CNTN6: variants seen among roughly 807,000 people sequenced by gnomAD.
CNTN6 encodes the protein contactin 6, also known as contactin-6.
A neutral mutation model predicts 122.8 loss-of-function variants in CNTN6; 137 were observed. The observed-to-expected ratio is 1.12, with a 90% confidence interval of 0.97 to 1.29. The LOEUF is 1.29. Among genes scored for constraint, CNTN6 ranks in the 50% most tolerant of loss-of-function variants. The pLI, the probability that CNTN6 is intolerant of heterozygous loss-of-function variation, is 0.00. For synonymous variants in CNTN6, 570 were observed against 426.0 expected (o/e 1.34, Z -4.16); for missense variants, 1,634 against 1,223.4 (o/e 1.34, Z -5.01).
intron 5 of CNTN6, among the ~76,000 whole-genome samples, chr3:1,281,981 T>TACACAC (rs1371153437): frequency 1.6e-4 from 16 of 99,562 alleles, no homozygotes; most frequent in African/African-American, 7.1e-4. Context: ...TATATATAGG[T>TACACAC]ATACACACAC....
intron 8 of CNTN6, among the ~76,000 whole-genome samples, chr3:1,323,536 T>C (rs1288641035): frequency 6.6e-6 from 1 of 151,784 alleles, no homozygotes; most frequent in Non-Finnish European, 1.5e-5. Context: ...CTCAGTTACC[T>C]CAGAGTTGAA....
chr3:1,359,017 G>A (rs1707054737), intron 12 of CNTN6, among the ~76,000 whole-genome samples: 2 of 152,006 alleles, frequency 1.3e-5, no homozygotes, highest in African/African-American at 4.8e-5. Context: ...CTATGATCAT[G>A]CCACTGTACT....
intron 11 of CNTN6, among the ~76,000 whole-genome samples, chr3:1,348,338 C>G (rs920014574): frequency 2.6e-5 from 4 of 151,744 alleles, no homozygotes; most frequent in Non-Finnish European, 5.9e-5. Context: ...AAAAACAATC[C>G]TTAGTATTAG....
rs1709208323 is a variant in CNTN6 at position 1,372,585 on chromosome 3, CTG to C, written c.1668+113_1668+114del. On this transcript the variant is annotated intron_variant, in intron 13 of 22. Transcript: ENST00000446702. ...CTTTATTTGCATGGATAATCACTGACTGTTTTTGAAGCTACATTTGTTTTTGT... is the reference window on the plus strand; with the variant it reads ...CTTTATTTGCATGGATAATCACTGACTTTTTGAAGCTACATTTGTTTTTGT... The C allele has an allele frequency of 1.6e-5, 15 of 950,880 alleles. 1 individual carries two copies. In the Admixed American group the frequency reaches 4.2e-4, roughly 27 times the overall value. 58.9% of individuals were successfully genotyped at this position (950,880 alleles called of 1,614,324 possible). A position where few individuals can be genotyped will look rare whatever the true frequency, so the allele number is the denominator to read the frequency against.
intron 2 of CNTN6, among the ~76,000 whole-genome samples, chr3:1,153,216 G>A (rs1247232863): frequency 1.3e-5 from 2 of 152,112 alleles, no homozygotes; most frequent in Non-Finnish European, 2.9e-5. Flanking sequence ...TTATCATGAA[G>A]AAGTGCAATA....
chr3:1,249,223 G>GA (rs397694309), intron 4 of CNTN6, among the ~76,000 whole-genome samples: 1 of 152,084 alleles, frequency 6.6e-6, no homozygotes, highest in African/African-American at 2.4e-5. Context: ...AAATCTTAGG[G>GA]AAAAACAAAT....
intron 17 of CNTN6, among the ~76,000 whole-genome samples, chr3:1,382,630 T>G (rs1456766029): frequency 6.6e-6 from 1 of 152,210 alleles, no homozygotes; most frequent in Non-Finnish European, 1.5e-5. Context: ...AAACCACATT[T>G]GAGTGTGTAT....
intron 20 of CNTN6, chr3:1,394,539 CG>C (rs1694741801): frequency 6.6e-6 from 1 of 152,458 alleles, no homozygotes; most frequent in South Asian, 2.0e-4. Context: ...GCACCTGCAA[CG>C]GGGCACCTGA....
At chr3:1,252,462 C>T (rs745708544) in intron 4 of CNTN6, among the ~76,000 whole-genome samples, 4 of 152,086 alleles carry the variant, frequency 2.6e-5, no homozygotes, top group Non-Finnish European at 4.4e-5. Flanking sequence ...GTAGATTCTT[C>T]TAAAATTTTT....
At chr3:1,107,838 C>T (rs574366565) in intron 1 of CNTN6, among the ~76,000 whole-genome samples, 8 of 151,998 alleles carry the variant, frequency 5.3e-5, no homozygotes, top group Non-Finnish European at 1.2e-4. Flanking sequence ...ATTAATTGAG[C>T]TTGCAAAGAG....
intron 4 of CNTN6, among the ~76,000 whole-genome samples, chr3:1,244,038 C>T (rs995644473): frequency 5.3e-5 from 8 of 152,038 alleles, no homozygotes; most frequent in Non-Finnish European, 4.4e-5. Flanking sequence ...GCCCATTTTT[C>T]GACAAAAATT....
At chr3:1,118,558 A>T (rs1460839853) in intron 1 of CNTN6, among the ~76,000 whole-genome samples, 1 of 152,102 alleles carries the variant, frequency 6.6e-6, no homozygotes, top group Non-Finnish European at 1.5e-5. Flanking sequence ...CATCTTTATT[A>T]TTCTTGTCTC....
intron 20 of CNTN6, among the ~76,000 whole-genome samples, chr3:1,389,100 A>G (rs1427965607): frequency 6.9e-6 from 1 of 145,508 alleles, no homozygotes; most frequent in Non-Finnish European, 1.5e-5. Context: ...CAACTCCAAG[A>G]CACATAATTG....
chr3:1,267,353 G>C (rs2094942830), intron 4 of CNTN6, among the ~76,000 whole-genome samples: 1 of 151,840 alleles, frequency 6.6e-6, no homozygotes, highest in South Asian at 2.1e-4. Context: ...TATTTTTTTA[G>C]TTATGTGGTC....
In CNTN6 at chr3:1,271,721, A is replaced by T. The variant is rs760918351; in HGVS notation, c.359-6692A>T. Among the ~76,000 whole-genome samples the T allele has an allele frequency of 5.3e-5, 8 of 152,320 alleles. No homozygotes were observed. In the South Asian group the frequency reaches 1.2e-3, roughly 24 times the overall value. ...GAAACTACAAATTCTTGGGGGAGAGAAAGCACCTTTACCCCTCCGCTAGCA... is the reference window on the plus strand; with the variant it reads ...GAAACTACAAATTCTTGGGGGAGAGTAAGCACCTTTACCCCTCCGCTAGCA... On this transcript the variant is annotated intron_variant, in intron 4 of 22. Coordinates refer to ENST00000446702, the MANE Select transcript of CNTN6 (RefSeq NM_001289080.2).
chr3:1,265,017 C>G (rs1221345870), intron 4 of CNTN6, among the ~76,000 whole-genome samples: 1 of 146,190 alleles, frequency 6.8e-6, no homozygotes, highest in Non-Finnish European at 1.5e-5. Flanking sequence ...CCAGGTTCAT[C>G]CATGTTGCCA....
intron 8 of CNTN6, among the ~76,000 whole-genome samples, chr3:1,325,282 A>C (rs1309114118): frequency 6.6e-6 from 1 of 151,838 alleles, no homozygotes; most frequent in Non-Finnish European, 1.5e-5. Context: ...CCTTGTCAAG[A>C]ATTTTATCTA....
intron 8 of CNTN6, among the ~76,000 whole-genome samples, chr3:1,322,421 A>C (rs1700983882): frequency 6.6e-6 from 1 of 151,734 alleles, no homozygotes. Context: ...TTAATCCAGG[A>C]TTGAAATTTT....
intron 20 of CNTN6, among the ~76,000 whole-genome samples, chr3:1,393,922 A>G (rs1329526423): frequency 6.6e-6 from 1 of 152,082 alleles, no homozygotes; most frequent in African/African-American, 2.4e-5. Context: ...ATTTTATATA[A>G]ATATATAAAA....
Sources: gnomAD v4.1 joint callset for allele counts (sites outside exome capture counted in the v4.1 genomes callset) on GRCh38, gnomAD v4.1.1 for gene constraint, MANE v1.5 for transcripts, NCBI Gene and HGNC (gene_info 2026-07-23, HGNC 2026-07-21) for gene names.